The following MTCH2 variants were observed in gnomAD, a reference collection of about 807,000 sequenced individuals.
MTCH2 encodes the protein mitochondrial carrier 2.
Under a neutral mutation model 50.6 loss-of-function variants are expected in MTCH2, and 25 were observed. The observed-to-expected ratio is 0.49, with a 90% confidence interval of 0.36 to 0.69. MTCH2 has a LOEUF of 0.69. Among genes scored for constraint, MTCH2 ranks in the 30% least tolerant of loss-of-function variants. The pLI, the probability that MTCH2 is intolerant of heterozygous loss-of-function variation, is 0.00. For missense variants in MTCH2, 273 were observed against 384.4 expected, an observed-to-expected ratio of 0.71 and a Z score of 2.42; for synonymous variants, 106 against 132.0, an observed-to-expected ratio of 0.80 and a Z score of 1.35.
At chr11:47,624,555 C>T (rs979613479) in intron 11 of MTCH2, among the ~76,000 whole-genome samples, 3 of 151,900 alleles carry the variant, frequency 2.0e-5, no homozygotes, top group African/African-American at 7.3e-5. Flanking sequence ...AATCCCAGCA[C>T]TTTAAGAGGC....
At chr11:47,629,312 C>G (rs574812816) in intron 8 of MTCH2, 40 of 372,636 alleles carry the variant, frequency 1.1e-4, no homozygotes, top group South Asian at 8.3e-4. Flanking sequence ...CTATTCATAA[C>G]TGTAAGCAGG....
intron 1 of MTCH2, among the ~76,000 whole-genome samples, chr11:47,642,122 AGGGCAGGGCCGGGTG>A (rs1172813417): frequency 6.6e-6 from 1 of 152,148 alleles, no homozygotes; most frequent in Non-Finnish European, 1.5e-5. Flanking sequence ...TCCGCCGGGC[AGGGCAGGGCCGGGTG>A]GCGGTTGGCT....
chr11:47,630,726 ACAC>A, intron 7 of MTCH2, 112 bp from the exon 8 acceptor site: 1 of 976,188 alleles, frequency 1.0e-6, no homozygotes, highest in Non-Finnish European at 1.6e-6. Context: ...TCCTTCCCTC[ACAC>A]TTTTCTAGCA....
chr11:47,612,015 A>C, the MTCH2 span, among the ~76,000 whole-genome samples: 1 of 152,190 alleles, frequency 6.6e-6, no homozygotes, highest in Non-Finnish European at 1.5e-5. Flanking sequence ...CTAGACAGCA[A>C]ATGTATGAGG....
At chr11:47,610,648 T>C in the MTCH2 span, among the ~76,000 whole-genome samples, 1 of 152,120 alleles carries the variant, frequency 6.6e-6, no homozygotes, top group South Asian at 2.1e-4. Flanking sequence ...GAGGTTGCAG[T>C]GAGCCGAGAT....
chr11:47,627,263 G>T, intron 9 of MTCH2, 136 bp from the exon 10 acceptor site: 1 of 577,698 alleles, frequency 1.7e-6, no homozygotes, highest in Non-Finnish European at 3.0e-6. Context: ...GAAGTGCAGT[G>T]ACCTCCTGAA....
chr11:47,629,206 T>C (rs774700563), intron 8 of MTCH2, 160 bp from the exon 9 acceptor site: 4 of 606,680 alleles, frequency 6.6e-6, no homozygotes, highest in African/African-American at 5.6e-5. Context: ...ACCTAGTTCA[T>C]TCTCGTTAAC....
rs113364085 is a variant in MTCH2, at chr11:47,636,454, G to A, written c.280-883C>T. Among the ~76,000 whole-genome samples the A allele has an allele frequency of 2.3e-4, 35 of 149,866 alleles. 1 individual carries two copies. Among genetic ancestry groups the A allele is most frequent in the African/African-American group, 7.4e-4 (30 of 40,736 alleles). On this transcript the variant is annotated intron_variant, in intron 3 of 12. Transcript: ENST00000302503. ...ATCTCAGAAAAAAAGAAAAGGGGCCGGGCATGGTGCCTCACGCCTGTAATC... is the reference window on the plus strand; with the variant it reads ...ATCTCAGAAAAAAAGAAAAGGGGCCAGGCATGGTGCCTCACGCCTGTAATC...
intron 9 of MTCH2, 80 bp downstream of exon 9, chr11:47,628,873 C>T (rs1023230777): frequency 2.1e-5 from 28 of 1,307,988 alleles, no homozygotes; most frequent in African/African-American, 8.8e-5. Context: ...CCACCTCGCC[C>T]GGCCCATCTT....
At chr11:47,619,037 T>TTGA (rs1338394050) in intron 12 of MTCH2, 118 bp from the exon 13 acceptor site, 1 of 825,420 alleles carries the variant, frequency 1.2e-6, no homozygotes, top group African/African-American at 1.7e-5. Flanking sequence ...AAACTGGGAC[T>TTGA]ATCACTACAG....
chr11:47,632,947 G>A (rs572039759), intron 5 of MTCH2, among the ~76,000 whole-genome samples: 35 of 151,864 alleles, frequency 2.3e-4, no homozygotes, highest in Admixed American at 1.7e-3. Flanking sequence ...TGATCTGCCC[G>A]CCTCAGCCTC....
At position 47,638,722 on chromosome 11, in the gene MTCH2, C is replaced by T; in HGVS notation, c.256G>A (p.Val86Met). 6.2e-7 allele frequency: 1 copy of T among 1,614,138 alleles called. No homozygotes were observed. The highest frequency in any genetic ancestry group is 8.5e-7 in the Non-Finnish European group (1 of 1,179,950). ...PRLCSGVLGTVVHGKVLQHYQ... is the reference protein window; with the variant it reads ...PRLCSGVLGTMVHGKVLQHYQ... The stretch of plus-strand genomic sequence containing the variant: ...ACCTGTAAAACTTTACCATGGACCA[C>T]AGTTCCAAGGACTCCCGAACACAGT... The change falls in exon 3 of 13, where the codon GTG becomes ATG. Residue 86 changes from valine to methionine, a missense_variant. By Grantham distance (21) the Val-to-Met change is conservative. This residue lies in a region of MTCH2 where 203 missense variants were observed against 244.3 expected (regional missense o/e 0.83). Transcript: ENST00000302503.
At position 47,631,074 on chromosome 11, in the gene MTCH2, T is replaced by A; in HGVS notation, c.441A>T (p.Arg147Ser). The A allele has an allele frequency of 6.2e-7, 1 of 1,613,072 alleles. No individual in the cohort carries two copies. Among genetic ancestry groups the A allele is most frequent in the Non-Finnish European group, 8.5e-7 (1 of 1,179,132 alleles). ...ITHPFHVITL[R>S]SMVQFIGRES... The stretch of plus-strand genomic sequence containing the variant: ...CTCTGCCAATGAACTGTACCATAGA[T>A]CTCAGAGTGATCACTGTGGAATATA... Residue 147 changes from arginine to serine, a missense_variant, in exon 7 of 13, where the codon AGA (arginine) becomes AGT (serine). Physicochemically the swap from Arg to Ser is moderately radical, Grantham distance 110 (BLOSUM62 -1). This residue lies in a region of MTCH2 where 203 missense variants were observed against 244.3 expected (regional missense o/e 0.83). Transcript: ENST00000302503.
At chr11:47,605,198 G>A in the MTCH2 span, among the ~76,000 whole-genome samples, 1 of 152,186 alleles carries the variant, frequency 6.6e-6, no homozygotes, top group African/African-American at 2.4e-5. Context: ...AAAGTGTTGG[G>A]ATTACAGGTG....
chr11:47,642,272 T>C, intron 1 of MTCH2, 107 bp downstream of exon 1: 1 of 934,938 alleles, frequency 1.1e-6, no homozygotes, highest in East Asian at 3.2e-5. Context: ...AGCAGCAGCA[T>C]CTCGGGAGAA....
the MTCH2 span, among the ~76,000 whole-genome samples, chr11:47,607,447 G>C: frequency 6.6e-6 from 1 of 152,182 alleles, no homozygotes; most frequent in South Asian, 2.1e-4. Context: ...GAAGAGTGTG[G>C]GGGCGGAGGA....
the MTCH2 span, among the ~76,000 whole-genome samples, chr11:47,610,072 T>C: frequency 6.6e-6 from 1 of 152,196 alleles, no homozygotes; most frequent in African/African-American, 2.4e-5. Flanking sequence ...GGGCTTGAGA[T>C]GTAACTCAGT....
At chr11:47,612,429 G>A (rs1287750844), downstream of MTCH2, among the ~76,000 whole-genome samples, 4 of 152,166 alleles carry the variant, frequency 2.6e-5, no homozygotes, top group Non-Finnish European at 5.9e-5. Context: ...TTAGCCGGGC[G>A]TGGTGGCGGG....
rs2097289186 is a variant in MTCH2 at position 47,617,459 on chromosome 11, A to G, written c.*1374T>C. The stretch of plus-strand genomic sequence containing the variant: ...TACTTTTTGAGACAAAGGAAGAGAC[A>G]TCAAAGACATTTTAAGCCGAGCTCC... On this transcript the variant is annotated 3_prime_UTR_variant, in exon 13 of 13. Transcript: ENST00000302503. 1 of 152,442 alleles carries G rather than the reference A, an allele frequency of 6.6e-6. No individual in the cohort carries two copies. Among genetic ancestry groups the G allele is most frequent in the Admixed American group, 6.5e-5 (1 of 15,282 alleles). 9.4% of individuals were successfully genotyped at this position (152,442 alleles called of 1,614,324 possible).
Sources: gnomAD v4.1 joint callset for allele counts (sites outside exome capture counted in the v4.1 genomes callset) on GRCh38, gnomAD v4.1.1 for gene constraint, gnomAD v4.1.1 regional missense constraint, MANE v1.5 for transcripts, NCBI Gene and HGNC (gene_info 2026-07-23, HGNC 2026-07-21) for gene names.